ACBD4: variants seen among roughly 807,000 people sequenced by gnomAD.
The protein encoded by ACBD4 is acyl-CoA binding domain containing 4.
ACBD4 carries 41 observed loss-of-function variants against 46.0 expected under a neutral mutation model. The ratio of observed to expected loss-of-function variants is 0.89; its 90% CI spans 0.69 to 1.16. ACBD4 has a LOEUF of 1.16. Ranked by LOEUF, ACBD4 falls within the 50% of genes most tolerant of loss-of-function variation. The probability of loss-of-function intolerance (pLI) is 0.00; values close to 1 mark genes in which losing one functional copy is unlikely to be tolerated. For synonymous variants in ACBD4, 162 were observed against 155.9 expected (o/e 1.04, Z -0.29); for missense variants, 393 against 399.5 (o/e 0.98, Z 0.14).
At position 45,138,719 on chromosome 17, in the gene ACBD4, C is replaced by T. The variant is rs192515745; in HGVS notation, c.650-302C>T. Among the ~76,000 whole-genome samples the T allele has an allele frequency of 7.4e-5, 11 of 149,312 alleles. No homozygotes were observed. In the East Asian group the frequency reaches 2.0e-3, roughly 27 times the overall value. On this transcript the variant is annotated intron_variant, in intron 8 of 9. Coordinates refer to ENST00000321854, the MANE Select transcript of ACBD4 (RefSeq NM_001135705.3). ...AGGAGAATCGCTTGAATCCAGGAGG[C>T]GGAGGTTGCAGTGAGCCGAGGTCAT... is the stretch of plus-strand genomic sequence containing the variant.
intron 9 of ACBD4, among the ~76,000 whole-genome samples, chr17:45,140,992 T>A (rs1260062209): frequency 2.6e-5 from 4 of 152,312 alleles, no homozygotes; most frequent in Admixed American, 2.6e-4. Context: ...CAGCCTGAGC[T>A]ACAGAGCAAG....
At chr17:45,133,445 A>G (rs749232551), upstream of ACBD4, 1 of 145,230 alleles carries the variant, frequency 6.9e-6, no homozygotes, top group African/African-American at 2.6e-5. Context: ...GCTCTACCCC[A>G]TCCTCAGATC....
chr17:45,136,790 G>A lies in ACBD4; in HGVS notation c.294+14G>A, dbSNP rs758531006. 2 of 1,612,480 alleles carry A rather than the reference G, an allele frequency of 1.2e-6. No individual in the cohort carries two copies. The highest frequency in any genetic ancestry group is 1.7e-5 in the Admixed American group (1 of 59,994). ...GTGGCACAGAAGGTAAGGGCTGCAG[G>A]TTCTCTGTCCCCAGGCTCCTGGCCA... On this transcript the variant is annotated intron_variant, in intron 4 of 9. Coordinates refer to ENST00000321854, the MANE Select transcript of ACBD4 (RefSeq NM_001135705.3).
Position 45,139,121 on chromosome 17 carries a change from G to T in ACBD4, c.750G>T (p.Arg250Ser), listed in dbSNP as rs758358526. 1 of 1,613,822 alleles carries T rather than the reference G, an allele frequency of 6.2e-7. No individual in the cohort carries two copies. The highest frequency in any genetic ancestry group is 8.5e-7 in the Non-Finnish European group (1 of 1,180,032). Residue 250 changes from arginine (R) to serine (S), a missense_variant, in exon 9 of 10, where the codon AGG becomes AGT. Arg to Ser is a moderately radical substitution (Grantham distance 110). This residue lies in a region of ACBD4 where 308 missense variants were observed against 301.8 expected (regional missense o/e 1.02). Transcript: ENST00000321854. ...LQESMQEVQA[R>S]VQSLESMPRP... ...AGAGCATGCAGGAGGTGCAGGCGAG[G>T]GTGCAGAGCCTGGAGAGCATGCCCC...
intron 8 of ACBD4, chr17:45,138,672 C>T (rs943736077): frequency 1.4e-5 from 4 of 279,360 alleles, no homozygotes; most frequent in Non-Finnish European, 2.8e-5. Context: ...CCTATAATCC[C>T]AGGTATTCGG....
chr17:45,135,953 G>T lies in ACBD4; in HGVS notation c.-38G>T. The T allele has an allele frequency of 1.7e-6, 1 of 596,578 alleles. No homozygotes were observed. Among genetic ancestry groups the T allele is most frequent in the Middle Eastern group, 4.5e-4 (1 of 2,204 alleles). The allele number at this position is 596,578 out of a possible 1,614,324, so 37.0% of individuals were successfully genotyped here. On this transcript the variant is annotated splice_region_variant and 5_prime_UTR_variant, in exon 1 of 10. Transcript: ENST00000321854. ...CCCTGACCCCACCACACTGCCTTGA[G>T]GTAGGAAAAGGAGGCTCCTCAACCA... is the stretch of plus-strand genomic sequence containing the variant.
chr17:45,138,135 A>T lies in ACBD4; in HGVS notation c.649+147A>T, dbSNP rs2054991853. ...AAGCCTCTGTCCAGGAAGGGCTGCC[A>T]ACCAGCCAGATACCTGCCTGGATGG... On this transcript the variant is annotated intron_variant, in intron 8 of 9. Transcript: ENST00000321854. 7.0e-6 allele frequency: 6 copies of T among 860,492 alleles called. No homozygotes were observed. The South Asian group carries it at 8.5e-5, about 12-fold the overall frequency. 53.3% of individuals were successfully genotyped at this position (860,492 alleles called of 1,614,324 possible). A position where few individuals can be genotyped will look rare whatever the true frequency, so the allele number is the denominator to read the frequency against.
chr17:45,134,606 C>A (rs538142749), upstream of ACBD4, among the ~76,000 whole-genome samples: 17 of 152,158 alleles, frequency 1.1e-4, no homozygotes, highest in South Asian at 2.7e-3. Context: ...GAAACCCCGT[C>A]TCTACTAAAA....
At chr17:45,136,452 TG>T (rs776491369) in intron 2 of ACBD4, 47 bp from the exon 3 acceptor site, 46 of 1,586,480 alleles carry the variant, frequency 2.9e-5, no homozygotes, top group Non-Finnish European at 3.9e-5. Context: ...CTCCGCCCCT[TG>T]GAGCTGGGAG....
At chr17:45,136,297 A>G in intron 2 of ACBD4, 65 bp downstream of exon 2, 1 of 1,597,484 alleles carries the variant, frequency 6.3e-7, no homozygotes. Flanking sequence ...CTCTGAAGAA[A>G]GAATGGTCCT....
upstream of ACBD4, among the ~76,000 whole-genome samples, chr17:45,134,192 C>T (rs2054641932): frequency 6.6e-6 from 1 of 152,114 alleles, no homozygotes. Context: ...ACTTGGTTGC[C>T]CAGGGTGGAG....
rs2055081858 is a variant in ACBD4, at chr17:45,139,008, C to T, written c.650-13C>T. 6.2e-7 allele frequency: 1 copy of T among 1,612,026 alleles called. No individual in the cohort carries two copies. Among genetic ancestry groups the T allele is most frequent in the Admixed American group, 1.7e-5 (1 of 59,994 alleles). ...CTCCTGAGCCCCCTTCCCTGTGTGT[C>T]TGTGCTCCGCAGAGGGGTTGCGGGG... On this transcript the variant is annotated splice_polypyrimidine_tract_variant and intron_variant, in intron 8 of 9. Transcript: ENST00000321854.
intron 6 of ACBD4, 63 bp from the exon 7 acceptor site, chr17:45,137,697 G>A: frequency 2.5e-6 from 4 of 1,576,000 alleles, no homozygotes; most frequent in Non-Finnish European, 3.5e-6. Context: ...TCTGCCCAGT[G>A]CACACTCCTG....
chr17:45,136,750 A>G lies in ACBD4; in HGVS notation c.268A>G (p.Thr90Ala). The change falls in exon 4 of 10, where the codon ACT becomes GCT. Residue 90 changes from threonine (T) to alanine (A), a missense_variant. Thr to Ala is a moderately conservative substitution (Grantham distance 58, BLOSUM62 0). Transcript: ENST00000321854. ...GGAGGAGGCCATGTCTGCCTACATCACTGAAATGAAACTGGTGGCACAGAA... is the reference window on the plus strand; with the variant it reads ...GGAGGAGGCCATGTCTGCCTACATCGCTGAAATGAAACTGGTGGCACAGAA... Reference protein sequence around the residue: ...SREEAMSAYITEMKLVAQKVI... With the variant: ...SREEAMSAYIAEMKLVAQKVI... 1.9e-6 allele frequency: 3 copies of G among 1,613,630 alleles called. No individual in the cohort carries two copies. Among genetic ancestry groups the G allele is most frequent in the Non-Finnish European group, 2.5e-6 (3 of 1,180,014 alleles).
Position 45,139,026 on chromosome 17 carries a change from T to C in ACBD4, c.655T>C (p.Leu219=). 2 of 1,612,860 alleles carry C rather than the reference T, an allele frequency of 1.2e-6. No individual in the cohort carries two copies. The highest frequency in any genetic ancestry group is 3.3e-5 in the Admixed American group (2 of 60,014). Residue 219 remains leucine (L), a synonymous_variant, in exon 9 of 10, where the codon TTG becomes CTG. Transcript: ENST00000321854. The stretch of plus-strand genomic sequence containing the variant: ...TGTGTGTCTGTGCTCCGCAGAGGGG[T>C]TGCGGGGCAGCCCGCCGGGGCCCCA... ...SPVPPTKKEG[L]RGSPPGPQEL...
In ACBD4 at chr17:45,143,622, T is replaced by G. The variant is rs770703893; in HGVS notation, c.*51T>G. ...CAACTGAGACTATCTTGCTGTGCCC[T>G]GAGCCTTCCTAGGGTTTAGAAGAAC... is the stretch of plus-strand genomic sequence containing the variant. On this transcript the variant is annotated 3_prime_UTR_variant, in exon 10 of 10. Coordinates refer to ENST00000321854, the MANE Select transcript of ACBD4 (RefSeq NM_001135705.3). The G allele has an allele frequency of 2.5e-6, 4 of 1,613,538 alleles. No homozygotes were observed. Among genetic ancestry groups the G allele is most frequent in the Non-Finnish European group, 3.4e-6 (4 of 1,179,862 alleles).
chr17:45,136,331 A>G (rs2054828100), intron 2 of ACBD4, 99 bp downstream of exon 2: 1 of 1,544,404 alleles, frequency 6.5e-7, no homozygotes, highest in Middle Eastern at 1.7e-4. Flanking sequence ...TTTGCAGACA[A>G]GCCCCTGCCT....
chr17:45,134,427 G>A (rs2054656238), upstream of ACBD4, among the ~76,000 whole-genome samples: 1 of 151,850 alleles, frequency 6.6e-6, no homozygotes, highest in African/African-American at 2.4e-5. Context: ...ACCAGCCTGG[G>A]CAACATAATG....
Position 45,137,332 on chromosome 17 carries a change from T to C in ACBD4, c.416-36T>C, listed in dbSNP as rs546605487. 8.1e-6 allele frequency: 13 copies of C among 1,612,276 alleles called. No homozygotes were observed. The Admixed American group carries it at 1.8e-4, about 23-fold the overall frequency. ...GATCACACTGGGAGGTGCCAGCCTCTCCCCAGGCCCACCTCTGGGTGCTGT... is the reference window on the plus strand; with the variant it reads ...GATCACACTGGGAGGTGCCAGCCTCCCCCCAGGCCCACCTCTGGGTGCTGT... On this transcript the variant is annotated intron_variant, in intron 5 of 9. Transcript: ENST00000321854.
Sources: allele counts gnomAD v4.1 joint callset (sites outside exome capture counted in the v4.1 genomes callset), GRCh38; gene constraint gnomAD v4.1.1; regional missense constraint gnomAD v4.1.1; transcripts MANE v1.5; gene names NCBI Gene and HGNC (gene_info 2026-07-23, HGNC 2026-07-21).